The following RGL1 variants were observed in gnomAD, a reference collection of about 807,000 sequenced individuals.
The protein encoded by RGL1 is ral guanine nucleotide dissociation stimulator-like 1.
Under a neutral mutation model 95.2 loss-of-function variants are expected in RGL1, and 24 were observed. That is an observed-to-expected ratio of 0.25 (90% CI 0.18 to 0.35). The LOEUF is 0.35. Ranked by LOEUF, RGL1 falls within the 10% of genes least tolerant of loss-of-function variation. The pLI, the probability that RGL1 is intolerant of heterozygous loss-of-function variation, is 1.00. For synonymous variants in RGL1, 329 were observed against 344.9 expected (o/e 0.95, Z 0.51); for missense variants, 715 against 936.3 (o/e 0.76, Z 3.08).
At chr1:183,744,197 T>C (rs1657482653) in intron 2 of RGL1, among the ~76,000 whole-genome samples, 1 of 152,206 alleles carries the variant, frequency 6.6e-6, no homozygotes, top group Non-Finnish European at 1.5e-5. Context: ...ATTCCTAATA[T>C]TGACACATTA....
chr1:183,698,011 G>A (rs1654353327), intron 1 of RGL1, among the ~76,000 whole-genome samples: 1 of 152,204 alleles, frequency 6.6e-6, no homozygotes, highest in South Asian at 2.1e-4. Flanking sequence ...GTCTGCTGCT[G>A]TCAGCTTCCT....
intron 16 of RGL1, among the ~76,000 whole-genome samples, chr1:183,920,401 A>G (rs983608337): frequency 2.6e-5 from 4 of 152,216 alleles, no homozygotes; most frequent in Non-Finnish European, 4.4e-5. Flanking sequence ...TTCGATACCT[A>G]TGAGTGCTAA....
chr1:183,744,956 A>G (rs903525950), intron 2 of RGL1, among the ~76,000 whole-genome samples: 3 of 152,162 alleles, frequency 2.0e-5, no homozygotes, highest in Admixed American at 2.0e-4. Context: ...ATATTACTAG[A>G]TCAGCTCTGA....
intron 2 of RGL1, among the ~76,000 whole-genome samples, chr1:183,822,527 A>C (rs1014005260): frequency 6.6e-6 from 1 of 152,162 alleles, no homozygotes; most frequent in Non-Finnish European, 1.5e-5. Context: ...ACTTTGCTTG[A>C]GTATTTCCAG....
chr1:183,659,027 A>C (rs12064569), intron 1 of RGL1, among the ~76,000 whole-genome samples: 1 of 152,050 alleles, frequency 6.6e-6, no homozygotes, highest in Non-Finnish European at 1.5e-5. Context: ...TAACAAACAG[A>C]AAGGACATCC....
At chr1:183,702,562 G>C (rs1448685006) in intron 1 of RGL1, among the ~76,000 whole-genome samples, 2 of 152,200 alleles carry the variant, frequency 1.3e-5, no homozygotes, top group South Asian at 2.1e-4. Context: ...CTGTCTATGA[G>C]GCTACCAGTA....
intron 2 of RGL1, among the ~76,000 whole-genome samples, chr1:183,789,567 T>C (rs1660345489): frequency 6.6e-6 from 1 of 152,208 alleles, no homozygotes; most frequent in Non-Finnish European, 1.5e-5. Context: ...ACATAATAAG[T>C]AGGCAAAAGC....
upstream of RGL1, chr1:183,805,034 A>C (rs1211285404): frequency 2.8e-6 from 1 of 356,334 alleles, no homozygotes; most frequent in East Asian, 4.6e-5. Flanking sequence ...TGTGCTCACA[A>C]GCACAAACAG....
intron 1 of RGL1, among the ~76,000 whole-genome samples, chr1:183,733,567 C>G (rs184153585): frequency 2.0e-5 from 3 of 152,282 alleles, no homozygotes; most frequent in Admixed American, 2.0e-4. Flanking sequence ...TGCCCTCTCC[C>G]CTGCTGGATG....
chr1:183,857,928 CTT>C (rs754262407), intron 3 of RGL1, among the ~76,000 whole-genome samples: 4 of 152,180 alleles, frequency 2.6e-5, no homozygotes, highest in Non-Finnish European at 5.9e-5. Flanking sequence ...CTGTCAAAGA[CTT>C]TGCCTCAGAT....
chr1:183,812,879 A>G (rs1661819329), intron 2 of RGL1, among the ~76,000 whole-genome samples: 2 of 152,150 alleles, frequency 1.3e-5, no homozygotes, highest in Admixed American at 1.3e-4. Flanking sequence ...ACCCGGTGGG[A>G]AAGGGAGAGG....
At chr1:183,676,753 T>C (rs1267572733) in intron 1 of RGL1, among the ~76,000 whole-genome samples, 6 of 143,366 alleles carry the variant, frequency 4.2e-5, no homozygotes, top group African/African-American at 5.1e-5. Flanking sequence ...GCCTCTGGCT[T>C]TGGAGTCTCT....
At chr1:183,917,951 G>A (rs1442861803) in intron 16 of RGL1, among the ~76,000 whole-genome samples, 2 of 152,224 alleles carry the variant, frequency 1.3e-5, no homozygotes, top group Admixed American at 6.5e-5. Context: ...CATGTTCCAT[G>A]TAGGAGAGGA....
chr1:183,644,486 T>C (rs1416827497), intron 1 of RGL1, among the ~76,000 whole-genome samples: 1 of 152,052 alleles, frequency 6.6e-6, no homozygotes, highest in African/African-American at 2.4e-5. Context: ...AGTGTAGTGG[T>C]GTGATCATGG....
At chr1:183,640,533 T>C (rs1649854807) in intron 1 of RGL1, among the ~76,000 whole-genome samples, 1 of 152,190 alleles carries the variant, frequency 6.6e-6, no homozygotes, top group African/African-American at 2.4e-5. Flanking sequence ...AAAGATTTAG[T>C]GCCAAAGAAT....
At chr1:183,658,089 G>A (rs1002577760) in intron 1 of RGL1, among the ~76,000 whole-genome samples, 10 of 152,236 alleles carry the variant, frequency 6.6e-5, no homozygotes, top group African/African-American at 1.7e-4. Flanking sequence ...CGAGATGGCC[G>A]AATAGGAACA....
intron 2 of RGL1, among the ~76,000 whole-genome samples, chr1:183,747,763 G>A (rs757117641): frequency 2.1e-4 from 32 of 152,262 alleles, no homozygotes; most frequent in African/African-American, 7.0e-4. Flanking sequence ...TTTTCACATC[G>A]ATGTTCATCA....
chr1:183,847,779 G>C lies in RGL1; in HGVS notation c.347+5G>C, dbSNP rs1452002746. 1 of 1,610,436 alleles carries C rather than the reference G, an allele frequency of 6.2e-7. No homozygotes were observed. The highest frequency in any genetic ancestry group is 2.2e-5 in the East Asian group (1 of 44,866). Reference sequence around the variant, plus strand: ...GCTGGAACTACTGCTGGACAGGTAAGAATGTAAAGGAGCTTTTGAGTTGAA... The same window carrying C: ...GCTGGAACTACTGCTGGACAGGTAACAATGTAAAGGAGCTTTTGAGTTGAA... On this transcript the variant is annotated splice_donor_5th_base_variant and intron_variant, in intron 3 of 17. Coordinates refer to ENST00000360851, the MANE Select transcript of RGL1 (RefSeq NM_001297671.3).
chr1:183,823,694 T>C (rs1333210434), intron 2 of RGL1, among the ~76,000 whole-genome samples: 1 of 152,168 alleles, frequency 6.6e-6, no homozygotes, highest in East Asian at 1.9e-4. Flanking sequence ...AGAGAGTTGG[T>C]GGGATAGTTA....
Sources: allele counts gnomAD v4.1 joint callset (sites outside exome capture counted in the v4.1 genomes callset), GRCh38; gene constraint gnomAD v4.1.1; transcripts MANE v1.5; gene names NCBI Gene and HGNC (gene_info 2026-07-23, HGNC 2026-07-21).